GPC5: variants seen among roughly 807,000 people sequenced by gnomAD.
GPC5 encodes glypican-5.
In GPC5, 47 loss-of-function variants were observed where a neutral mutation model predicts 53.9. That is an observed-to-expected ratio of 0.87 (90% CI 0.69 to 1.11). The LOEUF is 1.11. Ranked by LOEUF, GPC5 falls within the 50% of genes most tolerant of loss-of-function variation. The pLI, the probability that GPC5 is intolerant of heterozygous loss-of-function variation, is 0.00. For missense variants in GPC5, 748 were observed against 713.1 expected, an observed-to-expected ratio of 1.05 and a Z score of -0.56; for synonymous variants, 286 against 263.3, an observed-to-expected ratio of 1.09 and a Z score of -0.84.
intron 5 of GPC5, among the ~76,000 whole-genome samples, chr13:91,757,195 A>G (rs913441487): frequency 3.9e-5 from 6 of 152,062 alleles, no homozygotes; most frequent in African/African-American, 7.2e-5. Context: ...TGATTTGCCA[A>G]TACTGGTGGT....
chr13:92,660,246 T>A (rs1374767822), intron 7 of GPC5, among the ~76,000 whole-genome samples: 18 of 152,162 alleles, frequency 1.2e-4, no homozygotes, highest in Admixed American at 1.2e-3. Context: ...TCATTTTGGA[T>A]GCTTGATAGG....
intron 6 of GPC5, among the ~76,000 whole-genome samples, chr13:92,135,254 T>C (rs2041774769): frequency 1.3e-5 from 2 of 152,138 alleles, no homozygotes; most frequent in South Asian, 4.1e-4. Flanking sequence ...TTCAGGTCCT[T>C]GAAGTGTTTT....
chr13:92,527,245 GAAAGAGAAAGAAAGAAAGAAAGAAA>G (rs1881383812), intron 7 of GPC5, among the ~76,000 whole-genome samples: 1 of 36,018 alleles, frequency 2.8e-5, no homozygotes, highest in African/African-American at 1.4e-4. Context: ...AAGAAAGAAA[GAAAGAGAAAGAAAGAAAGAAAGAAA>G]GAAAGAAAGA....
At chr13:91,885,780 G>T (rs1459417404) in intron 5 of GPC5, among the ~76,000 whole-genome samples, 2 of 152,088 alleles carry the variant, frequency 1.3e-5, no homozygotes, top group African/African-American at 4.8e-5. Context: ...AGCCTCTTTT[G>T]TCATTGTAGC....
chr13:91,641,264 C>G (rs2034422407), intron 2 of GPC5, among the ~76,000 whole-genome samples: 1 of 151,998 alleles, frequency 6.6e-6, no homozygotes, highest in African/African-American at 2.4e-5. Flanking sequence ...GGAGGCGGAG[C>G]TTGCAGTGAG....
intron 7 of GPC5, among the ~76,000 whole-genome samples, chr13:92,175,136 A>G (rs961844995): frequency 2.6e-5 from 4 of 152,248 alleles, no homozygotes; most frequent in African/African-American, 9.6e-5. Flanking sequence ...TACAGGCGTG[A>G]GCCACTGTGC....
chr13:92,525,339 GT>G (rs1191208015), intron 7 of GPC5, among the ~76,000 whole-genome samples: 1 of 151,866 alleles, frequency 6.6e-6, no homozygotes, highest in Non-Finnish European at 1.5e-5. Flanking sequence ...AATATCACAT[GT>G]TTTGAAGTGA....
chr13:92,340,309 T>C (rs2043355481), intron 7 of GPC5: 2 of 152,168 alleles, frequency 1.3e-5, no homozygotes, highest in Admixed American at 6.6e-5. Flanking sequence ...ATATTCATGA[T>C]CCAAGCCAAA....
intron 7 of GPC5, among the ~76,000 whole-genome samples, chr13:92,226,701 C>T (rs1037305869): frequency 4.0e-5 from 6 of 151,140 alleles, no homozygotes; most frequent in African/African-American, 9.7e-5. Flanking sequence ...TGGGTTCAAG[C>T]GATTCTCCTT....
At position 92,867,160 on chromosome 13, in the gene GPC5, T is replaced by G. The variant is rs1392797506; in HGVS notation, c.*721T>G. Reference sequence around the variant, plus strand: ...TGCTCCCATCTCTCTCTTTGCCTCATAGATTTAGCTATGTTGGGAAGCACA... The same window carrying G: ...TGCTCCCATCTCTCTCTTTGCCTCAGAGATTTAGCTATGTTGGGAAGCACA... On this transcript the variant is annotated 3_prime_UTR_variant, in exon 8 of 8. Coordinates refer to ENST00000377067, the MANE Select transcript of GPC5 (RefSeq NM_004466.6). The G allele has an allele frequency of 6.6e-6, 1 of 152,116 alleles. No homozygotes were observed. The highest frequency in any genetic ancestry group is 2.4e-5 in the African/African-American group (1 of 41,450). 9.4% of individuals were successfully genotyped at this position (152,116 alleles called of 1,614,324 possible). A position where few individuals can be genotyped will look rare whatever the true frequency, so the allele number is the denominator to read the frequency against.
At chr13:91,901,501 A>G (rs1002319830) in intron 5 of GPC5, among the ~76,000 whole-genome samples, 9 of 152,088 alleles carry the variant, frequency 5.9e-5, no homozygotes, top group Non-Finnish European at 1.5e-5. Flanking sequence ...AGGACTTTCA[A>G]CATAGAGAAA....
chr13:91,727,880 G>GGT (rs1397694983), intron 3 of GPC5, among the ~76,000 whole-genome samples: 2 of 151,950 alleles, frequency 1.3e-5, no homozygotes, highest in Admixed American at 6.6e-5. Flanking sequence ...TTTTTTCAAT[G>GGT]ATAATTATGT....
rs533929595 is a variant in GPC5, at chr13:92,566,970, A to T, written c.1562-299312A>T. 2.6e-5 allele frequency among the ~76,000 whole-genome samples: 4 copies of T among 152,260 alleles called. No individual in the cohort carries two copies. In the South Asian group the frequency reaches 8.3e-4, roughly 32 times the overall value. On this transcript the variant is annotated intron_variant, in intron 7 of 7. Transcript: ENST00000377067. ...ATTTGATGACACATTGAAATTCTTC[A>T]TGATTGACCTTTAAGGTCTGGTATA...
Position 91,530,960 on chromosome 13 carries a change from C to T in GPC5, c.325+82038C>T, listed in dbSNP as rs571822940. Among the ~76,000 whole-genome samples, 119 of 152,278 alleles carry T rather than the reference C, an allele frequency of 7.8e-4. 1 individual carries two copies. The highest frequency in any genetic ancestry group is 3.4e-3 in the Middle Eastern group (1 of 294). ...GGTATCATGGTATGGATAGATCTCT[C>T]AGAGATTCTGGTTTGGTAGATTCTA... On this transcript the variant is annotated intron_variant, in intron 2 of 7. Transcript: ENST00000377067.
At chr13:91,853,110 C>A (rs981746813) in intron 5 of GPC5, among the ~76,000 whole-genome samples, 17 of 152,012 alleles carry the variant, frequency 1.1e-4, no homozygotes, top group Non-Finnish European at 1.8e-4. Flanking sequence ...TTTACATAGA[C>A]TGACCAATGT....
At chr13:92,328,406 C>A (rs2043266721) in intron 7 of GPC5, among the ~76,000 whole-genome samples, 1 of 152,060 alleles carries the variant, frequency 6.6e-6, no homozygotes, top group African/African-American at 2.4e-5. Flanking sequence ...TTGTCTATTT[C>A]TAAGAGAACA....
chr13:91,664,494 A>ATTTTGG (rs1194726199), intron 2 of GPC5, among the ~76,000 whole-genome samples: 1 of 152,154 alleles, frequency 6.6e-6, no homozygotes, highest in Non-Finnish European at 1.5e-5. Flanking sequence ...TTTGAGTTTT[A>ATTTTGG]TTTTGGATTA....
intron 7 of GPC5, among the ~76,000 whole-genome samples, chr13:92,663,891 TATATATATATATAC>T (rs1886475164): frequency 5.9e-5 from 1 of 16,888 alleles, no homozygotes; most frequent in Admixed American, 7.8e-4. Flanking sequence ...TATATATATA[TATATATATATATAC>T]ACACACACAC....
chr13:92,465,492 A>G (rs1878654815), intron 7 of GPC5, among the ~76,000 whole-genome samples: 1 of 152,076 alleles, frequency 6.6e-6, no homozygotes, highest in African/African-American at 2.4e-5. Flanking sequence ...CTACTTAAGG[A>G]CAGATGTCCT....
Sources: gnomAD v4.1 joint callset for allele counts (sites outside exome capture counted in the v4.1 genomes callset) on GRCh38, gnomAD v4.1.1 for gene constraint, MANE v1.5 for transcripts, NCBI Gene and HGNC (gene_info 2026-07-23, HGNC 2026-07-21) for gene names.